Variants in LDB2 observed in about 807,000 individuals in gnomAD.
The protein encoded by LDB2 is LIM domain binding 2.
LDB2 carries 12 observed loss-of-function variants against 44.3 expected under a neutral mutation model. The observed-to-expected ratio is 0.27, with a 90% confidence interval of 0.17 to 0.44. The LOEUF is 0.44. Among genes scored for constraint, LDB2 ranks in the 20% least tolerant of loss-of-function variants. The pLI is 1.00. For missense variants in LDB2, 344 were observed against 473.5 expected, an observed-to-expected ratio of 0.73 and a Z score of 2.54; for synonymous variants, 164 against 174.8, an observed-to-expected ratio of 0.94 and a Z score of 0.49.
intron 5 of LDB2, among the ~76,000 whole-genome samples, chr4:16,523,245 A>G (rs1726943244): frequency 6.6e-6 from 1 of 152,164 alleles, no homozygotes; most frequent in South Asian, 2.1e-4. Flanking sequence ...TTCTATATAT[A>G]CCATTTTTTT....
At chr4:16,804,837 C>T (rs566269362) in intron 1 of LDB2, among the ~76,000 whole-genome samples, 1 of 152,238 alleles carries the variant, frequency 6.6e-6, no homozygotes, top group East Asian at 1.9e-4. Flanking sequence ...GAATATATGT[C>T]TGCCTTGGCC....
At chr4:16,684,826 T>C (rs1181128945) in intron 2 of LDB2, among the ~76,000 whole-genome samples, 1 of 152,254 alleles carries the variant, frequency 6.6e-6, no homozygotes, top group Non-Finnish European at 1.5e-5. Flanking sequence ...TGGAAAACTT[T>C]CTCTGTGAGG....
chr4:16,802,051 T>C (rs111818418), intron 1 of LDB2, among the ~76,000 whole-genome samples: 1 of 152,214 alleles, frequency 6.6e-6, no homozygotes, highest in African/African-American at 2.4e-5. Context: ...GTTATTCACT[T>C]GATAGCCTTG....
At chr4:16,715,374 A>G (rs1368125795) in intron 2 of LDB2, among the ~76,000 whole-genome samples, 1 of 152,248 alleles carries the variant, frequency 6.6e-6, no homozygotes, top group Non-Finnish European at 1.5e-5. Flanking sequence ...AGCTTTTTGA[A>G]TGAATAAATG....
intron 2 of LDB2, among the ~76,000 whole-genome samples, chr4:16,607,782 G>A (rs1168276884): frequency 1.3e-5 from 2 of 152,036 alleles, no homozygotes; most frequent in African/African-American, 4.8e-5. Context: ...CAGTATCATG[G>A]CACATTTGTG....
chr4:16,602,404 G>A (rs961752037), intron 2 of LDB2, among the ~76,000 whole-genome samples: 54 of 152,180 alleles, frequency 3.5e-4, no homozygotes, highest in African/African-American at 1.3e-3. Flanking sequence ...TTGATTGAAC[G>A]AGTTTAGTGT....
chr4:16,877,387 C>T (rs1334972600), intron 1 of LDB2, among the ~76,000 whole-genome samples: 1 of 152,120 alleles, frequency 6.6e-6, no homozygotes, highest in Admixed American at 6.5e-5. Flanking sequence ...TTTTAAAATT[C>T]TCTGATTATT....
At chr4:16,513,472 C>T (rs1279388763) in intron 5 of LDB2, among the ~76,000 whole-genome samples, 1 of 152,196 alleles carries the variant, frequency 6.6e-6, no homozygotes, top group African/African-American at 2.4e-5. Flanking sequence ...AAGGCTGAGA[C>T]TACGCCTTTT....
At chr4:16,599,632 A>T (rs1262869148) in intron 2 of LDB2, among the ~76,000 whole-genome samples, 2 of 152,144 alleles carry the variant, frequency 1.3e-5, no homozygotes, top group Non-Finnish European at 2.9e-5. Flanking sequence ...GAGCAATAAA[A>T]AATACAAGAA....
chr4:16,740,092 A>G (rs1053441094), intron 2 of LDB2, among the ~76,000 whole-genome samples: 2 of 152,142 alleles, frequency 1.3e-5, no homozygotes, highest in Non-Finnish European at 2.9e-5. Flanking sequence ...TGATTAATGG[A>G]AGAAAAACAA....
chr4:16,620,077 A>C (rs1265265411), intron 2 of LDB2, among the ~76,000 whole-genome samples: 3 of 152,180 alleles, frequency 2.0e-5, no homozygotes, highest in Non-Finnish European at 2.9e-5. Flanking sequence ...AGTTGGGATA[A>C]AATTTTCTGC....
At chr4:16,521,614 C>T (rs1392110014) in intron 5 of LDB2, among the ~76,000 whole-genome samples, 3 of 152,242 alleles carry the variant, frequency 2.0e-5, no homozygotes, top group East Asian at 3.9e-4. Context: ...TTCTTGCCTT[C>T]TCTGTAGTTC....
intron 5 of LDB2, among the ~76,000 whole-genome samples, chr4:16,513,648 T>C (rs2152244148): frequency 6.6e-6 from 1 of 152,352 alleles, no homozygotes; most frequent in South Asian, 2.1e-4. Flanking sequence ...TTCAGGGCTA[T>C]GCCACTTCTG....
intron 2 of LDB2, among the ~76,000 whole-genome samples, chr4:16,669,248 A>C (rs544855823): frequency 6.6e-6 from 1 of 152,214 alleles, no homozygotes; most frequent in Non-Finnish European, 1.5e-5. Context: ...TAGAAGTGGG[A>C]CTCCAGCCCA....
At chr4:16,714,309 A>G (rs1756564336) in intron 2 of LDB2, among the ~76,000 whole-genome samples, 1 of 152,236 alleles carries the variant, frequency 6.6e-6, no homozygotes, top group Admixed American at 6.5e-5. Flanking sequence ...TGAGCAGTAC[A>G]TACATGCTCA....
chr4:16,560,523 G>T (rs1174332731), intron 5 of LDB2, among the ~76,000 whole-genome samples: 1 of 152,144 alleles, frequency 6.6e-6, no homozygotes, highest in African/African-American at 2.4e-5. Flanking sequence ...CCAGAAAGAA[G>T]TTGAATCTCT....
At chr4:16,811,071 G>T (rs139961078) in intron 1 of LDB2, among the ~76,000 whole-genome samples, 1 of 152,120 alleles carries the variant, frequency 6.6e-6, no homozygotes, top group Non-Finnish European at 1.5e-5. Context: ...CCATAATAGC[G>T]TTTGCACTCC....
Position 16,502,358 on chromosome 4 carries a change from G to A in LDB2, c.*285C>T, listed in dbSNP as rs148564223. The A allele has an allele frequency of 7.1e-4, 279 of 391,624 alleles. 2 individuals carry two copies. The East Asian group carries it at 0.012, about 17-fold the overall frequency. 24.3% of individuals were successfully genotyped at this position (391,624 alleles called of 1,614,324 possible). ...TCAACACAAACACGTTGTTAAAACC[G>A]TGCCAGAAGATGCGCTAGAGTTTTC... On this transcript the variant is annotated 3_prime_UTR_variant, in exon 8 of 8. Coordinates refer to ENST00000304523, the MANE Select transcript of LDB2 (RefSeq NM_001290.5).
At chr4:16,767,707 G>A (rs1328211394) in intron 1 of LDB2, among the ~76,000 whole-genome samples, 1 of 152,230 alleles carries the variant, frequency 6.6e-6, no homozygotes, top group Non-Finnish European at 1.5e-5. Context: ...GACAGGGGAA[G>A]TGGTTGTTGA....
Sources: allele counts gnomAD v4.1 joint callset (sites outside exome capture counted in the v4.1 genomes callset), GRCh38; gene constraint gnomAD v4.1.1; transcripts MANE v1.5; gene names NCBI Gene and HGNC (gene_info 2026-07-23, HGNC 2026-07-21).